Variants in HCN1 observed in about 807,000 individuals in gnomAD.
HCN1 encodes the protein potassium/sodium hyperpolarization-activated cyclic nucleotide-gated channel 1.
A neutral mutation model predicts 78.9 loss-of-function variants in HCN1; 13 were observed. The ratio of observed to expected loss-of-function variants is 0.16; its 90% CI spans 0.11 to 0.26. The LOEUF (loss-of-function observed/expected upper bound fraction) is 0.26, where lower values mean the gene tolerates loss of function less well. HCN1 is among the 10% of genes least tolerant of loss of function. The pLI, the probability that HCN1 is intolerant of heterozygous loss-of-function variation, is 1.00. For missense variants in HCN1, 810 were observed against 1,154.3 expected (o/e 0.70, Z 4.32); for synonymous variants, 552 against 455.5 (o/e 1.21, Z -2.70).
chr5:45,408,232 C>A (rs1324041546), intron 3 of HCN1, among the ~76,000 whole-genome samples: 1 of 152,132 alleles, frequency 6.6e-6, no homozygotes, highest in African/African-American at 2.4e-5. Flanking sequence ...ATAAAGTCTA[C>A]AGTAGTGTAC....
chr5:45,585,273 T>A (rs955769423), intron 2 of HCN1, among the ~76,000 whole-genome samples: 5 of 152,180 alleles, frequency 3.3e-5, no homozygotes, highest in Non-Finnish European at 7.4e-5. Context: ...TTCATTTCAT[T>A]CATTTGATCT....
intron 3 of HCN1, among the ~76,000 whole-genome samples, chr5:45,408,993 A>T (rs1361009506): frequency 6.6e-6 from 1 of 152,138 alleles, no homozygotes; most frequent in Non-Finnish European, 1.5e-5. Flanking sequence ...AAAATTTATT[A>T]AATATGCAGT....
intron 2 of HCN1, among the ~76,000 whole-genome samples, chr5:45,504,689 T>C (rs1742260644): frequency 1.3e-5 from 2 of 152,186 alleles, no homozygotes; most frequent in South Asian, 4.1e-4. Context: ...TCTTCCACAA[T>C]GGTTGAACTA....
intron 2 of HCN1, among the ~76,000 whole-genome samples, chr5:45,476,320 A>G (rs1406396961): frequency 6.6e-6 from 1 of 152,050 alleles, no homozygotes; most frequent in Non-Finnish European, 1.5e-5. Context: ...ATCACTATGC[A>G]TTGTTTAAGC....
chr5:45,394,347 C>A (rs1006176909), intron 4 of HCN1, among the ~76,000 whole-genome samples: 1 of 152,010 alleles, frequency 6.6e-6, no homozygotes, highest in Non-Finnish European at 1.5e-5. Context: ...GGCCAGCATT[C>A]CATTTTGGGT....
At chr5:45,453,282 C>A (rs1740960944) in intron 3 of HCN1, among the ~76,000 whole-genome samples, 1 of 151,974 alleles carries the variant, frequency 6.6e-6, no homozygotes, top group African/African-American at 2.4e-5. Context: ...TCCACTGATT[C>A]CCAGATTGAA....
rs141893417 is a variant in HCN1 at position 45,415,216 on chromosome 5, A to G, written c.1012-18506T>C. 6.5e-3 allele frequency among the ~76,000 whole-genome samples: 983 copies of G among 151,970 alleles called. 5 individuals carry two copies. The highest frequency in any genetic ancestry group is 0.023 in the African/African-American group (949 of 41,478). On this transcript the variant is annotated intron_variant, in intron 3 of 7. Transcript: ENST00000303230. Reference sequence around the variant, plus strand: ...TAATGAAAACAATGTTTTATCTTTTATTTTTTCTTTTCTAGATCAATACAA... The same window carrying G: ...TAATGAAAACAATGTTTTATCTTTTGTTTTTTCTTTTCTAGATCAATACAA...
chr5:45,340,392 G>A (rs1746551790), intron 5 of HCN1, among the ~76,000 whole-genome samples: 1 of 152,120 alleles, frequency 6.6e-6, no homozygotes, highest in South Asian at 2.1e-4. Flanking sequence ...CTTTCAATGA[G>A]ATTTTATTCT....
chr5:45,371,944 T>C (rs1364507675), intron 4 of HCN1, among the ~76,000 whole-genome samples: 6 of 98,556 alleles, frequency 6.1e-5, no homozygotes, highest in African/African-American at 2.4e-4. Flanking sequence ...ATATATAATA[T>C]ATAATATAAT....
At chr5:45,446,904 G>A (rs1395620311) in intron 3 of HCN1, among the ~76,000 whole-genome samples, 2 of 151,812 alleles carry the variant, frequency 1.3e-5, no homozygotes, top group Non-Finnish European at 2.9e-5. Flanking sequence ...ACATGGAAAG[G>A]AACAACTGGT....
At position 45,396,540 on chromosome 5, in the gene HCN1, G is replaced by A. The variant is rs1261922847; in HGVS notation, c.1182C>T (p.Thr394=). 32 of 1,613,654 alleles carry A rather than the reference G, an allele frequency of 2.0e-5. No individual in the cohort carries two copies. Among genetic ancestry groups the A allele is most frequent in the Non-Finnish European group, 2.5e-5 (29 of 1,179,892 alleles). The change falls in exon 4 of 8, where the codon ACC becomes ACT. Residue 394 remains threonine, a synonymous_variant. Coordinates refer to ENST00000303230, the MANE Select transcript of HCN1 (RefSeq NM_021072.4). ...AAGAATCCAGAGACTGGATTAAAGC[G>A]GTGGCATGGCCGACAAACATGGCAT... ...TCYAMFVGHA[T]ALIQSLDSSR...
At chr5:45,690,619 T>A (rs1356834890) in intron 1 of HCN1, among the ~76,000 whole-genome samples, 1 of 152,082 alleles carries the variant, frequency 6.6e-6, no homozygotes, top group African/African-American at 2.4e-5. Flanking sequence ...TACATCCAGA[T>A]GCCTTCACAA....
intron 3 of HCN1, among the ~76,000 whole-genome samples, chr5:45,416,337 C>T (rs1740118162): frequency 6.6e-6 from 1 of 151,874 alleles, no homozygotes; most frequent in Admixed American, 6.6e-5. Flanking sequence ...TTTATGCTTT[C>T]CTGGACTCAA....
At chr5:45,673,174 G>T (rs1452840939) in intron 1 of HCN1, among the ~76,000 whole-genome samples, 1 of 151,386 alleles carries the variant, frequency 6.6e-6, no homozygotes, top group African/African-American at 2.4e-5. Flanking sequence ...TTAAAAATTA[G>T]GATTTATCTG....
At chr5:45,524,367 C>T (rs1054906820) in intron 2 of HCN1, among the ~76,000 whole-genome samples, 1 of 152,016 alleles carries the variant, frequency 6.6e-6, no homozygotes, top group South Asian at 2.1e-4. Flanking sequence ...TCCATATGAA[C>T]TTTAAAGTAG....
intron 5 of HCN1, among the ~76,000 whole-genome samples, chr5:45,314,823 T>C (rs982174376): frequency 1.3e-5 from 2 of 152,134 alleles, no homozygotes; most frequent in Non-Finnish European, 2.9e-5. Context: ...AAGAAGGCCA[T>C]TACATAATGG....
intron 2 of HCN1, among the ~76,000 whole-genome samples, chr5:45,503,373 A>G (rs2111738333): frequency 6.6e-6 from 1 of 152,306 alleles, no homozygotes; most frequent in East Asian, 1.9e-4. Flanking sequence ...TCTCTAACGA[A>G]TAAATAGCTA....
Position 45,353,351 on chromosome 5 carries a change from C to CA in HCN1, c.1231-106dup, listed in dbSNP as rs374165332. On this transcript the variant is annotated intron_variant, in intron 4 of 7. Coordinates refer to ENST00000303230, the MANE Select transcript of HCN1 (RefSeq NM_021072.4). ...TCAATAATATTTGAATACTCAGTTA[C>CA]AAAAAAAAAGAAATCCTTTAAGATG... is the stretch of plus-strand genomic sequence containing the variant. 7.3e-4 allele frequency: 600 copies of CA among 821,114 alleles called. 2 individuals are homozygous for CA. Among genetic ancestry groups the CA allele is most frequent in the Middle Eastern group, 1.5e-3 (4 of 2,690 alleles). 50.9% of individuals were successfully genotyped at this position (821,114 alleles called of 1,614,324 possible). A position where few individuals can be genotyped will look rare whatever the true frequency, so the allele number is the denominator to read the frequency against.
intron 2 of HCN1, among the ~76,000 whole-genome samples, chr5:45,639,669 T>C (rs1266236368): frequency 6.6e-6 from 1 of 152,174 alleles, no homozygotes; most frequent in Admixed American, 6.6e-5. Flanking sequence ...ATACAAACAT[T>C]TTTTGACAGC....
Sources: allele counts gnomAD v4.1 joint callset (sites outside exome capture counted in the v4.1 genomes callset), GRCh38; gene constraint gnomAD v4.1.1; transcripts MANE v1.5; gene names NCBI Gene and HGNC (gene_info 2026-07-23, HGNC 2026-07-21).